The following AHCY variants were observed in gnomAD, a reference collection of about 807,000 sequenced individuals.
AHCY encodes the protein S-adenosyl-L-homocysteine hydrolase.
Under a neutral mutation model 45.4 loss-of-function variants are expected in AHCY, and 24 were observed. That is an observed-to-expected ratio of 0.53 (90% CI 0.38 to 0.74). The LOEUF is 0.74. AHCY is among the 30% of genes least tolerant of loss of function. AHCY has a pLI of 0.00. For synonymous variants in AHCY, 245 were observed against 235.1 expected, an observed-to-expected ratio of 1.04 and a Z score of -0.39; for missense variants, 449 against 594.1, an observed-to-expected ratio of 0.76 and a Z score of 2.54.
rs1231478898 is a variant in AHCY, at chr20:34,281,299, T to C, written c.1168-134A>G. 12 of 1,371,210 alleles carry C rather than the reference T, an allele frequency of 8.8e-6. No homozygotes were observed. In the East Asian group the frequency reaches 2.1e-4, roughly 25 times the overall value. 84.9% of individuals were successfully genotyped at this position (1,371,210 alleles called of 1,614,324 possible). A position where few individuals can be genotyped will look rare whatever the true frequency, so the allele number is the denominator to read the frequency against. On this transcript the variant is annotated intron_variant, in intron 9 of 9. Coordinates refer to ENST00000217426, the MANE Select transcript of AHCY (RefSeq NM_000687.4). Reference sequence around the variant, plus strand: ...GTGGTACTCATGTTAACTCTTTCTATCCTCACACCCAGCCTCAGTTAATGT... The same window carrying C: ...GTGGTACTCATGTTAACTCTTTCTACCCTCACACCCAGCCTCAGTTAATGT...
At position 34,292,412 on chromosome 20, in the gene AHCY, C is replaced by T; in HGVS notation, c.391G>A (p.Asp131Asn). The T allele has an allele frequency of 2.5e-6, 4 of 1,613,814 alleles. No individual in the cohort carries two copies. The highest frequency in any genetic ancestry group is 2.2e-5 in the East Asian group (1 of 44,884). Residue 131 changes from aspartate (D) to asparagine (N), a missense_variant, in exon 4 of 10, where the codon GAC becomes AAC. Asp to Asn is a conservative substitution (Grantham distance 23). Coordinates refer to ENST00000217426, the MANE Select transcript of AHCY (RefSeq NM_000687.4). ...KDGPLNMILD[D>N]GGDLTNLIHT... ...ATGAGGTTGGTGAGGTCGCCCCCGT[C>T]GTCCAGAATCATGTTGAGGGGCCCG...
At chr20:34,275,456 T>C (rs1311320515), downstream of AHCY, among the ~76,000 whole-genome samples, 1 of 152,076 alleles carries the variant, frequency 6.6e-6, no homozygotes, top group African/African-American at 2.4e-5. Context: ...CTCTGTTGTT[T>C]TTCTATAACC....
Position 34,280,296 on chromosome 20 carries a change from A to G in AHCY, c.*738T>C, listed in dbSNP as rs1440857900. The G allele has an allele frequency of 1.3e-5, 2 of 152,080 alleles. No individual in the cohort carries two copies. Among genetic ancestry groups the G allele is most frequent in the Non-Finnish European group, 2.9e-5 (2 of 68,052 alleles). The allele number at this position is 152,080 out of a possible 1,614,324, so 9.4% of individuals were successfully genotyped here. On this transcript the variant is annotated 3_prime_UTR_variant, in exon 10 of 10. Transcript: ENST00000217426. ...CAGGCACCAAGATTTTTATTTACCCACCTTCCTGCTTTCTTTTAACATTAT... is the reference window on the plus strand; with the variant it reads ...CAGGCACCAAGATTTTTATTTACCCGCCTTCCTGCTTTCTTTTAACATTAT...
intron 8 of AHCY, among the ~76,000 whole-genome samples, chr20:34,287,721 A>T (rs2036235836): frequency 6.6e-6 from 1 of 152,148 alleles, no homozygotes; most frequent in Non-Finnish European, 1.5e-5. Context: ...TGGGCTGAGA[A>T]GATGAACAAG....
the AHCY span, among the ~76,000 whole-genome samples, chr20:34,235,825 GAAAGAAAGAAAGAAA>G: frequency 4.0e-4 from 25 of 62,150 alleles, no homozygotes; most frequent in Admixed American, 3.8e-4. Context: ...AAGAAAGAAA[GAAAGAAAGAAAGAAA>G]GAAGGAAGGA....
the AHCY span, among the ~76,000 whole-genome samples, chr20:34,235,987 A>T: frequency 1.2e-5 from 1 of 86,034 alleles, no homozygotes; most frequent in African/African-American, 2.3e-4. Context: ...GAAGAAGGAA[A>T]GAAGGAAGGA....
At chr20:34,262,870 G>A in the AHCY span, 7 of 1,613,938 alleles carry the variant, frequency 4.3e-6, no homozygotes, top group Non-Finnish European at 3.4e-6. Context: ...CAGAAAAGCA[G>A]CAGAAAAGAA....
At chr20:34,303,844 A>T (rs1568818797), upstream of AHCY, among the ~76,000 whole-genome samples, 1 of 152,094 alleles carries the variant, frequency 6.6e-6, no homozygotes, top group Non-Finnish European at 1.5e-5. Context: ...AAAAAATTAA[A>T]AATTAGCCGG....
At chr20:34,243,957 C>G in the AHCY span, among the ~76,000 whole-genome samples, 7 of 152,048 alleles carry the variant, frequency 4.6e-5, no homozygotes, top group African/African-American at 1.7e-4. Context: ...CCCAGCTACT[C>G]AGGAGGCTGA....
chr20:34,255,158 T>C, the AHCY span, among the ~76,000 whole-genome samples: 1 of 152,164 alleles, frequency 6.6e-6, no homozygotes, highest in African/African-American at 2.4e-5. Context: ...CTGTGGACTT[T>C]GGCCAGTCCA....
the AHCY span, among the ~76,000 whole-genome samples, chr20:34,248,557 C>T: frequency 3.9e-5 from 6 of 152,142 alleles, no homozygotes; most frequent in African/African-American, 1.2e-4. Context: ...AATTCCAGCA[C>T]TTTGGGAGGC....
the AHCY span, among the ~76,000 whole-genome samples, chr20:34,257,524 A>G: frequency 6.6e-6 from 1 of 152,202 alleles, no homozygotes; most frequent in African/African-American, 2.4e-5. Flanking sequence ...TCAATGATAC[A>G]GAATAAAAAT....
the AHCY span, chr20:34,262,965 C>T: frequency 9.0e-6 from 14 of 1,550,746 alleles, no homozygotes; most frequent in Non-Finnish European, 1.2e-5. Context: ...GGACCCCCAA[C>T]CTCTGGCTAG....
At chr20:34,308,692 C>A (rs965086200) in intron 1 of AHCY, among the ~76,000 whole-genome samples, 54 of 149,178 alleles carry the variant, frequency 3.6e-4, no homozygotes, top group African/African-American at 1.2e-3. Flanking sequence ...GTTGCTCTGT[C>A]ACCCAGGCTG....
intron 5 of AHCY, 51 bp downstream of exon 5, chr20:34,291,368 G>A (rs753841241): frequency 2.6e-6 from 4 of 1,525,650 alleles, no homozygotes; most frequent in Non-Finnish European, 3.6e-6. Context: ...CAGAGGCCTC[G>A]TCCTGAGCTG....
At chr20:34,305,281 A>G (rs932846068), upstream of AHCY, among the ~76,000 whole-genome samples, 9 of 151,990 alleles carry the variant, frequency 5.9e-5, no homozygotes, top group Non-Finnish European at 1.3e-4. Context: ...CCGAGATCGC[A>G]CCACTGCACT....
chr20:34,305,436 C>A (rs1032842237), upstream of AHCY, among the ~76,000 whole-genome samples: 1 of 152,118 alleles, frequency 6.6e-6, no homozygotes, highest in Non-Finnish European at 1.5e-5. Context: ...GGGCCGATGT[C>A]AAGCAGAGAC....
the AHCY span, among the ~76,000 whole-genome samples, chr20:34,266,348 TC>T: frequency 6.8e-6 from 1 of 146,666 alleles, no homozygotes; most frequent in African/African-American, 2.5e-5. Flanking sequence ...AGACTCCGTC[TC>T]AAAAATAATA....
the AHCY span, among the ~76,000 whole-genome samples, chr20:34,258,734 G>T: frequency 3.3e-4 from 14 of 41,922 alleles, no homozygotes; most frequent in South Asian, 8.6e-4. Flanking sequence ...AATATATATA[G>T]TATATATATA....
Sources: gnomAD v4.1 joint callset for allele counts (sites outside exome capture counted in the v4.1 genomes callset) on GRCh38, gnomAD v4.1.1 for gene constraint, MANE v1.5 for transcripts, NCBI Gene and HGNC (gene_info 2026-07-23, HGNC 2026-07-21) for gene names.